LPAR1: variants seen among roughly 807,000 people sequenced by gnomAD.
LPAR1 encodes the protein LPA receptor 1.
LPAR1 carries 5 observed loss-of-function variants against 23.8 expected under a neutral mutation model. The observed-to-expected ratio is 0.21, with a 90% confidence interval of 0.11 to 0.44. The LOEUF is 0.44. Among genes scored for constraint, LPAR1 ranks in the 20% least tolerant of loss-of-function variants. LPAR1 has a pLI of 0.99. For missense variants in LPAR1, 311 were observed against 482.8 expected (o/e 0.64, Z 3.33); for synonymous variants, 160 against 164.7 (o/e 0.97, Z 0.22).
At chr9:110,985,444 G>C (rs2096759935) in intron 2 of LPAR1, among the ~76,000 whole-genome samples, 1 of 152,010 alleles carries the variant, frequency 6.6e-6, no homozygotes, top group African/African-American at 2.4e-5. Context: ...ACAGGGCACA[G>C]AGCTAACGCA....
rs140135579 is a variant in LPAR1, at chr9:110,960,557, G to A, written c.45+11516C>T. Among the ~76,000 whole-genome samples, 13 of 152,110 alleles carry A rather than the reference G, an allele frequency of 8.5e-5. No individual in the cohort carries two copies. In the East Asian group the frequency reaches 2.1e-3, roughly 25 times the overall value. On this transcript the variant is annotated intron_variant, in intron 4 of 5. Coordinates refer to ENST00000683809, the MANE Select transcript of LPAR1 (RefSeq NM_001351411.2). ...CAAAAGATCTTGAAGAAATTACATCGAAATGTTAACATTTTACAAAGCTGG... is the reference window on the plus strand; with the variant it reads ...CAAAAGATCTTGAAGAAATTACATCAAAATGTTAACATTTTACAAAGCTGG...
intron 2 of LPAR1, among the ~76,000 whole-genome samples, chr9:110,995,430 T>C (rs2096979497): frequency 6.6e-6 from 1 of 152,138 alleles, no homozygotes; most frequent in Admixed American, 6.6e-5. Context: ...TACTTCAGCA[T>C]GGGAAAAATA....
chr9:110,876,363 G>A (rs2079080248), intron 5 of LPAR1, among the ~76,000 whole-genome samples: 1 of 152,182 alleles, frequency 6.6e-6, no homozygotes, highest in Admixed American at 6.5e-5. Context: ...GCATGGGCCT[G>A]TTTGGAAATT....
chr9:110,981,770 C>G (rs944835798), intron 2 of LPAR1, among the ~76,000 whole-genome samples: 2 of 151,948 alleles, frequency 1.3e-5, no homozygotes, highest in African/African-American at 2.4e-5. Context: ...TACAAATAAA[C>G]AAATTTACAA....
intron 5 of LPAR1, among the ~76,000 whole-genome samples, chr9:110,880,868 T>C (rs1000875134): frequency 4.6e-5 from 7 of 152,320 alleles, no homozygotes; most frequent in Admixed American, 1.3e-4. Context: ...TGTAGTTACG[T>C]TGTGATTTCT....
At chr9:110,983,335 A>C (rs1249679279) in intron 2 of LPAR1, among the ~76,000 whole-genome samples, 2 of 152,114 alleles carry the variant, frequency 1.3e-5, no homozygotes, top group African/African-American at 4.8e-5. Flanking sequence ...CAGCCTTCAA[A>C]AGGATATTCT....
chr9:110,910,795 G>A (rs547938885), intron 5 of LPAR1, among the ~76,000 whole-genome samples: 1 of 152,322 alleles, frequency 6.6e-6, no homozygotes, highest in East Asian at 1.9e-4. Flanking sequence ...GGAAGTTGCT[G>A]CAGATTTGGG....
intron 5 of LPAR1, among the ~76,000 whole-genome samples, chr9:110,904,532 C>T (rs1204727495): frequency 6.6e-6 from 1 of 152,094 alleles, no homozygotes; most frequent in Non-Finnish European, 1.5e-5. Flanking sequence ...CCCAAAAGTC[C>T]TCAATATCTA....
At chr9:110,962,076 T>A (rs377156613) in intron 4 of LPAR1, among the ~76,000 whole-genome samples, 1 of 152,236 alleles carries the variant, frequency 6.6e-6, no homozygotes, top group Non-Finnish European at 1.5e-5. Flanking sequence ...TAGCATTGAA[T>A]TCCCCCCTGT....
intron 5 of LPAR1, among the ~76,000 whole-genome samples, chr9:110,922,595 T>A (rs2093703618): frequency 6.6e-6 from 1 of 152,104 alleles, no homozygotes; most frequent in Non-Finnish European, 1.5e-5. Flanking sequence ...ATATACGTAT[T>A]AAGTTGAATT....
At chr9:110,922,194 C>T (rs949393020) in intron 5 of LPAR1, among the ~76,000 whole-genome samples, 9 of 152,108 alleles carry the variant, frequency 5.9e-5, no homozygotes, top group African/African-American at 1.7e-4. Context: ...CCCCCAGGAA[C>T]CTTGGGGTGC....
intron 2 of LPAR1, among the ~76,000 whole-genome samples, chr9:110,988,636 A>G (rs2139480131): frequency 1.0e-5 from 1 of 95,868 alleles, no homozygotes; most frequent in African/African-American, 3.5e-5. Context: ...AAAAGACATA[A>G]TAACAAGTGT....
chr9:110,950,983 T>C (rs1488689514), intron 4 of LPAR1, among the ~76,000 whole-genome samples: 4 of 152,126 alleles, frequency 2.6e-5, no homozygotes, highest in African/African-American at 4.8e-5. Flanking sequence ...AAAGTGATGG[T>C]AGTTAGGACA....
chr9:110,978,383 C>A (rs188514645), intron 2 of LPAR1, among the ~76,000 whole-genome samples: 1 of 152,082 alleles, frequency 6.6e-6, no homozygotes, highest in Non-Finnish European at 1.5e-5. Flanking sequence ...GATTTTAAAG[C>A]CTTCGTCTCC....
At chr9:110,937,393 G>A (rs139050327) in intron 5 of LPAR1, among the ~76,000 whole-genome samples, 1,673 of 152,288 alleles carry the variant, frequency 0.011, 12 homozygotes, top group South Asian at 0.027. Context: ...TGAAACCCAA[G>A]TGCCCAACCT....
intron 2 of LPAR1, among the ~76,000 whole-genome samples, chr9:110,987,812 G>A (rs896071087): frequency 5.3e-5 from 8 of 151,830 alleles, no homozygotes; most frequent in Admixed American, 3.3e-4. Flanking sequence ...AACTGTACAC[G>A]TAACTGGAGT....
chr9:110,885,847 G>A (rs986077244), intron 5 of LPAR1, among the ~76,000 whole-genome samples: 4 of 152,190 alleles, frequency 2.6e-5, no homozygotes, highest in Non-Finnish European at 4.4e-5. Context: ...TGGATCACCT[G>A]AGGTGAGGAG....
chr9:110,883,806 G>C (rs943883461), intron 5 of LPAR1, among the ~76,000 whole-genome samples: 6 of 152,132 alleles, frequency 3.9e-5, no homozygotes, highest in Non-Finnish European at 8.8e-5. Flanking sequence ...ATTTCCTGCA[G>C]CCCGCTGACT....
At chr9:110,944,822 T>A (rs775850011) in intron 4 of LPAR1, among the ~76,000 whole-genome samples, 1 of 152,198 alleles carries the variant, frequency 6.6e-6, no homozygotes, top group Non-Finnish European at 1.5e-5. Context: ...TATTTAATGA[T>A]AAAACTTAAA....
Sources: allele counts gnomAD v4.1 joint callset (sites outside exome capture counted in the v4.1 genomes callset), GRCh38; gene constraint gnomAD v4.1.1; transcripts MANE v1.5; gene names NCBI Gene and HGNC (gene_info 2026-07-23, HGNC 2026-07-21).